The following CRHR1 variants were observed in gnomAD, a reference collection of about 807,000 sequenced individuals.
The protein encoded by CRHR1 is corticotropin-releasing hormone receptor 1.
In CRHR1, 28 loss-of-function variants were observed where a neutral mutation model predicts 56.0. The ratio of observed to expected loss-of-function variants is 0.50; its 90% confidence interval spans 0.37 to 0.69. The LOEUF (loss-of-function observed/expected upper bound fraction) is 0.69, where lower values mean the gene tolerates loss of function less well. CRHR1 is among the 30% of genes least tolerant of loss of function. The pLI is 0.00. For missense variants in CRHR1, 376 were observed against 548.0 expected (o/e 0.69, Z 3.13); for synonymous variants, 195 against 216.5 (o/e 0.90, Z 0.87).
chr17:45,831,745 C>T (rs573864363), intron 8 of CRHR1, among the ~76,000 whole-genome samples: 60 of 152,280 alleles, frequency 3.9e-4, no homozygotes, highest in East Asian at 1.2e-3. Flanking sequence ...ACATGGATGG[C>T]AGGGGAGCCC....
intron 1 of CRHR1, among the ~76,000 whole-genome samples, chr17:45,790,155 T>C (rs1350854066): frequency 6.6e-6 from 1 of 152,148 alleles, no homozygotes; most frequent in Non-Finnish European, 1.5e-5. Context: ...CAGCTGAGCT[T>C]GAAGGTCATA....
chr17:45,831,871 GC>G (rs1242162861), intron 8 of CRHR1, among the ~76,000 whole-genome samples: 3 of 152,290 alleles, frequency 2.0e-5, no homozygotes, highest in East Asian at 1.9e-4. Context: ...AGGGGAGGGG[GC>G]CTGCACGGCT....
At chr17:45,818,345 G>T (rs572492757) in intron 3 of CRHR1, among the ~76,000 whole-genome samples, 1 of 152,238 alleles carries the variant, frequency 6.6e-6, no homozygotes, top group African/African-American at 2.4e-5. Flanking sequence ...CGTTGCAAAG[G>T]GTTACTTGAC....
chr17:45,820,966 A>AT (rs1235620776), intron 3 of CRHR1, among the ~76,000 whole-genome samples: 3 of 151,944 alleles, frequency 2.0e-5, no homozygotes, highest in African/African-American at 7.2e-5. Flanking sequence ...AGGTCTCACC[A>AT]TTTTTTTGCT....
chr17:45,791,848 T>TCACACA (rs1276459029), intron 1 of CRHR1, among the ~76,000 whole-genome samples: 1 of 123,326 alleles, frequency 8.1e-6, no homozygotes, highest in Admixed American at 8.6e-5. Flanking sequence ...TCTCTCTCTC[T>TCACACA]CTCTCACACA....
At chr17:45,829,664 A>G (rs1283759865) in intron 5 of CRHR1, 1 of 1,549,862 alleles carries the variant, frequency 6.5e-7, no homozygotes, top group South Asian at 1.2e-5. Flanking sequence ...GGGCCCCAGC[A>G]CTACCGCCAA....
At chr17:45,800,747 C>T (rs558088612) in intron 1 of CRHR1, 5 of 152,374 alleles carry the variant, frequency 3.3e-5, no homozygotes, top group African/African-American at 9.6e-5. Context: ...GTCCCTGACC[C>T]CTGGGGGCTC....
At chr17:45,797,875 A>T (rs73984613) in intron 1 of CRHR1, among the ~76,000 whole-genome samples, 7,341 of 152,236 alleles carry the variant, frequency 0.048, 604 homozygotes, top group African/African-American at 0.17. Flanking sequence ...CAGATGAGGT[A>T]ACTGAGGTGG....
At chr17:45,794,520 T>C (rs2061483230) in intron 1 of CRHR1, among the ~76,000 whole-genome samples, 2 of 152,348 alleles carry the variant, frequency 1.3e-5, no homozygotes, top group Non-Finnish European at 2.9e-5. Context: ...ATGTGAGTGA[T>C]GTAGTGGCTC....
intron 1 of CRHR1, among the ~76,000 whole-genome samples, chr17:45,798,468 G>C (rs2146282991): frequency 6.7e-6 from 1 of 149,328 alleles, no homozygotes; most frequent in South Asian, 2.1e-4. Flanking sequence ...AGAGGTTGCA[G>C]TGAGCCAAGA....
At chr17:45,828,402 C>A (rs973041732) in intron 4 of CRHR1, among the ~76,000 whole-genome samples, 1 of 152,228 alleles carries the variant, frequency 6.6e-6, no homozygotes, top group African/African-American at 2.4e-5. Context: ...CGGCTCCCCC[C>A]ACGGGGTTGC....
Position 45,784,858 on chromosome 17 carries a change from A to G in CRHR1, c.33+281A>G, listed in dbSNP as rs897048989. 2.0e-5 allele frequency among the ~76,000 whole-genome samples: 3 copies of G among 152,110 alleles called. No homozygotes were observed. The highest frequency in any genetic ancestry group is 1.9e-4 in the East Asian group (1 of 5,158). On this transcript the variant is annotated intron_variant, in intron 1 of 12. Coordinates refer to ENST00000314537, the MANE Select transcript of CRHR1 (RefSeq NM_004382.5). This position sits in a 1 kb window ranked among gnomAD's most constrained non-coding sequence, Gnocchi z 4.2. ...CCGGGTAGCCGGCTCCGCGCCAAGA[A>G]TCGCTCTAGGCTCTCGGGCAGACGC...
At chr17:45,829,613 G>A (rs542050010) in intron 5 of CRHR1, 3 of 1,550,890 alleles carry the variant, frequency 1.9e-6, no homozygotes, top group Non-Finnish European at 8.7e-7. Flanking sequence ...GGAGGTGGGG[G>A]CTCCATGGAG....
chr17:45,824,262 G>T (rs912958668), intron 4 of CRHR1, among the ~76,000 whole-genome samples: 7 of 152,188 alleles, frequency 4.6e-5, no homozygotes, highest in African/African-American at 1.7e-4. Context: ...TCAGAGGAGC[G>T]GGTCAGTGCT....
intron 7 of CRHR1, 128 bp from the exon 8 acceptor site, chr17:45,830,752 G>A: frequency 2.5e-6 from 3 of 1,186,860 alleles, no homozygotes. Flanking sequence ...CCTTGAAGGA[G>A]GTGTGTGAGT....
intron 1 of CRHR1, among the ~76,000 whole-genome samples, 172 bp from the exon 2 acceptor site, chr17:45,806,838 G>A (rs937779134): frequency 2.0e-5 from 3 of 152,168 alleles, no homozygotes; most frequent in East Asian, 3.9e-4. Flanking sequence ...GACCCAGAAG[G>A]AGGAGAGAGG....
chr17:45,831,076 C>T, intron 8 of CRHR1, 136 bp downstream of exon 8: 1 of 841,674 alleles, frequency 1.2e-6, no homozygotes, highest in Non-Finnish European at 1.9e-6. Context: ...AGGGAGAGAT[C>T]TGGGGGCTGG....
At chr17:45,793,280 G>A (rs2061458664) in intron 1 of CRHR1, among the ~76,000 whole-genome samples, 1 of 152,264 alleles carries the variant, frequency 6.6e-6, no homozygotes, top group Admixed American at 6.5e-5. Flanking sequence ...GCAGCATGTT[G>A]CTTCATGAGC....
At chr17:45,807,929 T>C (rs2061750358) in intron 2 of CRHR1, among the ~76,000 whole-genome samples, 2 of 152,130 alleles carry the variant, frequency 1.3e-5, no homozygotes, top group Admixed American at 1.3e-4. Context: ...ATCTAGGTGT[T>C]TGGGCTGCCT....
Sources: allele counts gnomAD v4.1 joint callset (sites outside exome capture counted in the v4.1 genomes callset), GRCh38; gene constraint gnomAD v4.1.1; non-coding constraint Gnocchi (gnomAD v3.1); transcripts MANE v1.5; gene names NCBI Gene and HGNC (gene_info 2026-07-23, HGNC 2026-07-21).